MLLT3: variants seen among roughly 807,000 people sequenced by gnomAD.
MLLT3 encodes protein AF-9.
MLLT3 carries 4 observed loss-of-function variants against 53.2 expected under a neutral mutation model. The ratio of observed to expected loss-of-function variants is 0.08; its 90% CI spans 0.04 to 0.17. The LOEUF (loss-of-function observed/expected upper bound fraction) is 0.17. Among genes scored for constraint, MLLT3 ranks in the 10% least tolerant of loss-of-function variants. The probability of loss-of-function intolerance (pLI) is 1.00; values close to 1 mark genes in which losing one functional copy is unlikely to be tolerated. For missense variants in MLLT3, 569 were observed against 684.0 expected, an observed-to-expected ratio of 0.83 and a Z score of 1.87; for synonymous variants, 283 against 230.6, an observed-to-expected ratio of 1.23 and a Z score of -2.06.
chr9:20,529,724 CTTT>C (rs5896896), intron 2 of MLLT3, among the ~76,000 whole-genome samples: 2 of 76,414 alleles, frequency 2.6e-5, no homozygotes, highest in Non-Finnish European at 4.8e-5. Context: ...TAATCCAATC[CTTT>C]TTTTTTTTTT....
rs561376254 is a variant in MLLT3, at chr9:20,501,025, CAT to C, written c.194-44241_194-44240del. 2.4e-3 allele frequency among the ~76,000 whole-genome samples: 358 copies of C among 152,288 alleles called. 1 individual carries two copies. Among genetic ancestry groups the C allele is most frequent in the Non-Finnish European group, 4.1e-3 (281 of 68,024 alleles). ...TATAAAACACACAGATACACACACACATGCACACACATGTGCACCACTTTCCT... is the reference window on the plus strand; with the variant it reads ...TATAAAACACACAGATACACACACACGCACACACATGTGCACCACTTTCCT... On this transcript the variant is annotated intron_variant, in intron 2 of 10. Coordinates refer to ENST00000380338, the MANE Select transcript of MLLT3 (RefSeq NM_004529.4).
intron 4 of MLLT3, among the ~76,000 whole-genome samples, chr9:20,415,163 A>AT (rs1425133368): frequency 1.3e-5 from 2 of 152,190 alleles, no homozygotes; most frequent in African/African-American, 4.8e-5. Flanking sequence ...AAAAGCAATT[A>AT]TTTTTATGCT....
intron 9 of MLLT3, 46 bp downstream of exon 9, chr9:20,354,762 G>C: frequency 8.0e-7 from 1 of 1,252,744 alleles, no homozygotes; most frequent in Non-Finnish European, 1.2e-6. Context: ...AGAAACGGAA[G>C]GCTTGTCAGT....
At chr9:20,606,619 G>A (rs951575625) in intron 2 of MLLT3, among the ~76,000 whole-genome samples, 2 of 152,078 alleles carry the variant, frequency 1.3e-5, no homozygotes, top group African/African-American at 4.8e-5. Context: ...GGTGGAGTTA[G>A]GAAAAATTCA....
intron 5 of MLLT3, among the ~76,000 whole-genome samples, chr9:20,407,004 C>T (rs1822595165): frequency 6.6e-6 from 1 of 152,180 alleles, no homozygotes; most frequent in Non-Finnish European, 1.5e-5. Flanking sequence ...AACAATTTCT[C>T]AAACTTGGTT....
chr9:20,540,190 G>A (rs985368429), intron 2 of MLLT3, among the ~76,000 whole-genome samples: 3 of 152,186 alleles, frequency 2.0e-5, no homozygotes, highest in African/African-American at 4.8e-5. Context: ...CTGCTTTCAC[G>A]GGCTGGTGTT....
intron 2 of MLLT3, among the ~76,000 whole-genome samples, chr9:20,523,361 C>G (rs1818116802): frequency 6.6e-6 from 1 of 152,210 alleles, no homozygotes; most frequent in African/African-American, 2.4e-5. Context: ...AGCAAAGGAA[C>G]TTCTTGGTAT....
At chr9:20,564,117 A>G (rs1417446590) in intron 2 of MLLT3, among the ~76,000 whole-genome samples, 1 of 152,150 alleles carries the variant, frequency 6.6e-6, no homozygotes, top group African/African-American at 2.4e-5. Flanking sequence ...ATCTTTCAGC[A>G]AACAAATTAG....
intron 2 of MLLT3, among the ~76,000 whole-genome samples, chr9:20,552,955 G>C (rs1047771258): frequency 1.6e-4 from 24 of 151,976 alleles, no homozygotes; most frequent in African/African-American, 5.6e-4. Context: ...TAAAATTTTT[G>C]TCTCATGAAA....
intron 2 of MLLT3, among the ~76,000 whole-genome samples, chr9:20,615,874 GAA>G (rs10579863): frequency 0.03 from 3,984 of 132,566 alleles, 180 homozygotes; most frequent in African/African-American, 0.11. Flanking sequence ...AAAGAGATTT[GAA>G]AAAAAAAAAA....
In MLLT3 at chr9:20,620,300, A is replaced by C; in HGVS notation, c.193+354T>G. 6.9e-6 allele frequency among the ~76,000 whole-genome samples: 1 copy of C among 144,644 alleles called. No homozygotes were observed. The highest frequency in any genetic ancestry group is 2.7e-5 in the African/African-American group (1 of 37,106). The allele number at this position is 144,644 out of a possible 152,430, so 94.9% of individuals were successfully genotyped here. On this transcript the variant is annotated intron_variant, in intron 2 of 10. Coordinates refer to ENST00000380338, the MANE Select transcript of MLLT3 (RefSeq NM_004529.4). This position sits in a 1 kb window ranked among gnomAD's most constrained non-coding sequence, Gnocchi z 6.1. ...ACACACACACACACACACACGCGCA[A>C]AGTGTTTATTCCCTCCAGCCCGATT...
At chr9:20,543,208 T>C (rs544349187) in intron 2 of MLLT3, among the ~76,000 whole-genome samples, 1 of 152,342 alleles carries the variant, frequency 6.6e-6, no homozygotes, top group South Asian at 2.1e-4. Context: ...GCACATTTAG[T>C]TTCCTGCAAG....
intron 2 of MLLT3, among the ~76,000 whole-genome samples, chr9:20,460,793 A>T (rs534021125): frequency 1.3e-5 from 2 of 152,336 alleles, no homozygotes; most frequent in African/African-American, 4.8e-5. Flanking sequence ...ACAGTAACCC[A>T]TCAAATTCTT....
chr9:20,608,684 G>T (rs1375369719), intron 2 of MLLT3, among the ~76,000 whole-genome samples: 1 of 151,898 alleles, frequency 6.6e-6, no homozygotes, highest in Non-Finnish European at 1.5e-5. Flanking sequence ...ATTTGAAAAT[G>T]TTTCTTGGGA....
chr9:20,390,292 G>A (rs1822150369), intron 5 of MLLT3, among the ~76,000 whole-genome samples: 1 of 151,928 alleles, frequency 6.6e-6, no homozygotes, highest in African/African-American at 2.4e-5. Context: ...TATAGTTAGG[G>A]CTTTAAAAGC....
intron 2 of MLLT3, among the ~76,000 whole-genome samples, chr9:20,610,448 C>T (rs1820673631): frequency 6.6e-6 from 1 of 152,160 alleles, no homozygotes; most frequent in Admixed American, 6.5e-5. Context: ...AGTGGTGGTT[C>T]TGTTTACACA....
chr9:20,533,033 C>T, intron 2 of MLLT3: 1 of 273,552 alleles, frequency 3.7e-6, no homozygotes, highest in South Asian at 3.9e-5. Context: ...CTGCACACAA[C>T]ATGGATCCCA....
At chr9:20,467,762 A>AGAAAGAGGAG (rs1824272092) in intron 2 of MLLT3, among the ~76,000 whole-genome samples, 1 of 152,342 alleles carries the variant, frequency 6.6e-6, no homozygotes, top group East Asian at 1.9e-4. Context: ...CTAAATACGA[A>AGAAAGAGGAG]GAAAGAGGAG....
chr9:20,523,187 T>G (rs1161501865), intron 2 of MLLT3, among the ~76,000 whole-genome samples: 1 of 152,154 alleles, frequency 6.6e-6, no homozygotes, highest in African/African-American at 2.4e-5. Flanking sequence ...ACACACCTAT[T>G]AGAATAGCCA....
Sources: gnomAD v4.1 joint callset for allele counts (sites outside exome capture counted in the v4.1 genomes callset) on GRCh38, gnomAD v4.1.1 for gene constraint, Gnocchi (gnomAD v3.1) non-coding constraint, MANE v1.5 for transcripts, NCBI Gene and HGNC (gene_info 2026-07-23, HGNC 2026-07-21) for gene names.